Variants in BCLAF3 observed in about 807,000 individuals in gnomAD.
BCLAF3 encodes the protein transient octamer binding factor 1.
In BCLAF3, 24 loss-of-function variants were observed where a neutral mutation model predicts 51.2. The observed-to-expected ratio is 0.47, with a 90% confidence interval of 0.34 to 0.66. The LOEUF (loss-of-function observed/expected upper bound fraction) is 0.66, where lower values mean the gene tolerates loss of function less well. BCLAF3 is among the 30% of genes least tolerant of loss of function. BCLAF3 has a pLI of 0.01. For missense variants in BCLAF3, 465 were observed against 525.1 expected, an observed-to-expected ratio of 0.89 and a Z score of 1.12; for synonymous variants, 152 against 176.6, an observed-to-expected ratio of 0.86 and a Z score of 1.10.
intron 8 of BCLAF3, among the ~76,000 whole-genome samples, chrX:19,940,455 A>G (rs1185333463): frequency 3.6e-5 from 4 of 110,017 alleles, no homozygotes; most frequent in Non-Finnish European, 5.7e-5. Context: ...AGAGTGTGAT[A>G]TTCCCCTTCA....
At position 19,924,402 on chromosome X, in the gene BCLAF3, G is replaced by T. The variant is rs1489813088; in HGVS notation, c.2106+5383C>A. ...GTAGGTAGTGAAACTGGAGCCTCCA[G>T]ATCCTAAGTGCTTGAAAGTGATGAT... On this transcript the variant is annotated intron_variant, in intron 11 of 11. Coordinates refer to ENST00000379682, the MANE Select transcript of BCLAF3 (RefSeq NM_001367774.2). Among the ~76,000 whole-genome samples, 11 of 111,748 alleles carry T rather than the reference G, an allele frequency of 9.8e-5. No homozygotes were observed. The Admixed American group carries it at 1.0e-3, about 11-fold the overall frequency.
At chrX:19,983,067 G>C (rs2072672580) in intron 1 of BCLAF3, among the ~76,000 whole-genome samples, 1 of 103,075 alleles carries the variant, frequency 9.7e-6, no homozygotes, top group African/African-American at 3.6e-5. Flanking sequence ...CGATTCCCGT[G>C]CTTCAGCCTC....
rs372803789 is a variant in BCLAF3, at chrX:19,933,634, T to C, written c.1950+2175A>G. On this transcript the variant is annotated intron_variant, in intron 10 of 11. Transcript: ENST00000379682. ...TAATGAGACACTAATGTTAAGACTA[T>C]CTGCACAAACTTGATACATCAGAGC... 1.2e-3 allele frequency among the ~76,000 whole-genome samples: 139 copies of C among 112,724 alleles called. 4 individuals are homozygous for C. In the South Asian group the frequency reaches 0.051, roughly 41 times the overall value.
At chrX:19,979,088 C>T (rs1325903102) in intron 1 of BCLAF3, among the ~76,000 whole-genome samples, 6 of 110,650 alleles carry the variant, frequency 5.4e-5, no homozygotes, top group Non-Finnish European at 9.5e-5. Flanking sequence ...GGTGAAACCC[C>T]GTCTCTACTA....
At chrX:19,919,879 A>AAG (rs1346141648) in intron 11 of BCLAF3, among the ~76,000 whole-genome samples, 40 of 106,603 alleles carry the variant, frequency 3.8e-4, no homozygotes, top group African/African-American at 1.4e-3. Context: ...AAAAAAAAAA[A>AAG]GGTTGTACAG....
rs757056624 is a variant in BCLAF3, at chrX:19,955,363, C to T, written c.1450+28G>A. On this transcript the variant is annotated intron_variant, in intron 5 of 11. Transcript: ENST00000379682. ...GAATAGTATATTACTTTTGTGTTAT[C>T]CCTAACGTATGTGCAAAATATACCA... The T allele has an allele frequency of 7.0e-6, 8 of 1,137,828 alleles. No homozygotes were observed. The South Asian group carries it at 1.7e-4, about 24-fold the overall frequency. 93.8% of individuals were successfully genotyped at this position (1,137,828 alleles called of 1,213,427 possible).
chrX:19,956,492 T>G (rs2071670093), intron 4 of BCLAF3, among the ~76,000 whole-genome samples: 1 of 112,026 alleles, frequency 8.9e-6, no homozygotes, highest in African/African-American at 3.2e-5. Context: ...AATGAACATG[T>G]CTTCCAAGTG....
chrX:19,950,184 A>G (rs950049860), intron 8 of BCLAF3, among the ~76,000 whole-genome samples: 1 of 112,094 alleles, frequency 8.9e-6, no homozygotes, highest in Non-Finnish European at 1.9e-5. Flanking sequence ...AAGATCGGTC[A>G]GCTTGTAAAC....
chrX:19,929,901 ATT>A lies in BCLAF3; in HGVS notation c.1988_1989del (p.Lys663IlefsTer13). 1 of 1,208,770 alleles carries A rather than the reference ATT, an allele frequency of 8.3e-7. No individual in the cohort carries two copies. The highest frequency in any genetic ancestry group is 1.1e-6 in the Non-Finnish European group (1 of 894,442). ...FRGGRCQPNY[K>X]SGLVQKSLYI... ...TACAAGCTCTTCTGTACCAGGCCTG[ATT>A]TATAATTGGGCTGGCATCTGCCACC... On this transcript the variant is annotated frameshift_variant, in exon 11 of 12. Coordinates refer to ENST00000379682, the MANE Select transcript of BCLAF3 (RefSeq NM_001367774.2). LOFTEE classifies it high-confidence loss of function.
chrX:19,970,034 T>A (rs1307944451), intron 2 of BCLAF3, among the ~76,000 whole-genome samples, 190 bp downstream of exon 2: 6 of 112,514 alleles, frequency 5.3e-5, no homozygotes, highest in Non-Finnish European at 1.1e-4. Flanking sequence ...TTTTCATTAT[T>A]TAACTCTAGC....
At chrX:19,967,800 G>C (rs1458215980) in intron 2 of BCLAF3, among the ~76,000 whole-genome samples, 1 of 112,108 alleles carries the variant, frequency 8.9e-6, no homozygotes. Flanking sequence ...TGATAAGTCT[G>C]TGCCCTCCCT....
At chrX:19,931,196 T>C (rs1468911626) in intron 10 of BCLAF3, among the ~76,000 whole-genome samples, 1 of 111,989 alleles carries the variant, frequency 8.9e-6, no homozygotes. Flanking sequence ...AATGGTCCCT[T>C]GTTAATCTAC....
At chrX:19,960,519 A>C (rs962137296) in intron 4 of BCLAF3, among the ~76,000 whole-genome samples, 2 of 112,114 alleles carry the variant, frequency 1.8e-5, no homozygotes, top group African/African-American at 6.5e-5. Context: ...TCTCTCAATT[A>C]ATTTTTGATT....
At chrX:19,959,488 G>A (rs1474517010) in intron 4 of BCLAF3, among the ~76,000 whole-genome samples, 1 of 111,478 alleles carries the variant, frequency 9.0e-6, no homozygotes. Flanking sequence ...AAGTGCGGTG[G>A]CTCACGCCTG....
chrX:19,950,673 T>C, intron 8 of BCLAF3, 80 bp downstream of exon 8: 1 of 675,033 alleles, frequency 1.5e-6, no homozygotes, highest in Non-Finnish European at 2.3e-6. Context: ...AAAATGAAAA[T>C]TATCATCACA....
At chrX:19,948,201 T>C (rs1042063541) in intron 8 of BCLAF3, among the ~76,000 whole-genome samples, 7 of 111,844 alleles carry the variant, frequency 6.3e-5, no homozygotes, top group Non-Finnish European at 9.4e-5. Flanking sequence ...CTCCTAGCTA[T>C]ATACTGAAGA....
intron 7 of BCLAF3, among the ~76,000 whole-genome samples, chrX:19,952,664 T>C (rs965658998): frequency 9.0e-6 from 1 of 111,722 alleles, no homozygotes; most frequent in African/African-American, 3.3e-5. Flanking sequence ...TTGAAAAAAA[T>C]AGGTACCTAA....
chrX:19,927,151 C>T (rs1368224307), intron 11 of BCLAF3, among the ~76,000 whole-genome samples: 2 of 110,351 alleles, frequency 1.8e-5, no homozygotes, highest in East Asian at 2.8e-4. Flanking sequence ...CACTGGAACC[C>T]GGGAGGCGGA....
intron 8 of BCLAF3, among the ~76,000 whole-genome samples, chrX:19,938,155 C>T (rs1473800036): frequency 3.6e-5 from 4 of 111,281 alleles, no homozygotes; most frequent in African/African-American, 6.5e-5. Context: ...CTCTGATCTC[C>T]AAAGCCTCAT....
Sources: allele counts gnomAD v4.1 joint callset (sites outside exome capture counted in the v4.1 genomes callset), GRCh38; gene constraint gnomAD v4.1.1; transcripts MANE v1.5; gene names NCBI Gene and HGNC (gene_info 2026-07-23, HGNC 2026-07-21).